VSNL1: variants seen among roughly 807,000 people sequenced by gnomAD.
VSNL1 encodes visinin like 1.
A neutral mutation model predicts 20.4 loss-of-function variants in VSNL1; 6 were observed. The observed-to-expected ratio is 0.29, with a 90% CI of 0.16 to 0.58. VSNL1 has a LOEUF of 0.58. Among genes scored for constraint, VSNL1 ranks in the 20% least tolerant of loss-of-function variants. The pLI is 0.90. For missense variants in VSNL1, 100 were observed against 234.5 expected, an observed-to-expected ratio of 0.43 and a Z score of 3.75; for synonymous variants, 93 against 86.4, an observed-to-expected ratio of 1.08 and a Z score of -0.42.
chr2:17,582,536 C>A (rs1397455200), intron 1 of VSNL1, among the ~76,000 whole-genome samples: 1 of 152,048 alleles, frequency 6.6e-6, no homozygotes, highest in Non-Finnish European at 1.5e-5. Context: ...TAGATGGAAT[C>A]AAGAGTTAGA....
Position 17,589,883 on chromosome 2 carries a change from C to T in VSNL1, c.-5-2187C>T, listed in dbSNP as rs148406701. Among the ~76,000 whole-genome samples, 13 of 152,282 alleles carry T rather than the reference C, an allele frequency of 8.5e-5. No individual in the cohort carries two copies. The East Asian group carries it at 2.5e-3, about 29-fold the overall frequency. On this transcript the variant is annotated intron_variant, in intron 1 of 3. Coordinates refer to ENST00000295156, the MANE Select transcript of VSNL1 (RefSeq NM_003385.5). ...TTTCCAAACAAGGCAGCCAGGCTGG[C>T]AAAGTGATCCTTTTTCATCCCCTCT...
intron 1 of VSNL1, among the ~76,000 whole-genome samples, chr2:17,548,494 A>C (rs774166503): frequency 3.3e-5 from 5 of 152,098 alleles, no homozygotes; most frequent in Non-Finnish European, 5.9e-5. Flanking sequence ...TAATCTTTTG[A>C]GTTTATTTTC....
At chr2:17,584,363 G>T (rs1181238288) in intron 1 of VSNL1, among the ~76,000 whole-genome samples, 1 of 152,090 alleles carries the variant, frequency 6.6e-6, no homozygotes, top group African/African-American at 2.4e-5. Flanking sequence ...CTCAGGAAAT[G>T]TTCTTTGTGC....
At chr2:17,651,879 G>A (rs1408060946) in intron 3 of VSNL1, among the ~76,000 whole-genome samples, 2 of 152,226 alleles carry the variant, frequency 1.3e-5, no homozygotes, top group Non-Finnish European at 2.9e-5. Flanking sequence ...TAGAGTGTCT[G>A]TATTTTGTTG....
intron 2 of VSNL1, among the ~76,000 whole-genome samples, chr2:17,642,309 C>CTTTTTTTTTTTTTTTTGTTTTTTTTTTTT (rs1665898412): frequency 1.1e-5 from 1 of 93,194 alleles, no homozygotes; most frequent in African/African-American, 3.8e-5. Flanking sequence ...GTGAGCATTC[C>CTTTTTTTTTTTTTTTTGTTTTTTTTTTTT]TTTTTTTTTT....
chr2:17,599,293 A>C (rs373769886), intron 2 of VSNL1, among the ~76,000 whole-genome samples: 24 of 152,372 alleles, frequency 1.6e-4, no homozygotes, highest in South Asian at 8.3e-4. Flanking sequence ...AATCCACAAA[A>C]GAAGGTGAAT....
chr2:17,648,033 G>A (rs1261987357), intron 2 of VSNL1, among the ~76,000 whole-genome samples: 4 of 152,112 alleles, frequency 2.6e-5, no homozygotes, highest in African/African-American at 4.8e-5. Context: ...TGTTTATTTC[G>A]TGAGATAATA....
intron 1 of VSNL1, among the ~76,000 whole-genome samples, chr2:17,551,718 A>G (rs1291529602): frequency 1.3e-5 from 2 of 152,152 alleles, no homozygotes; most frequent in African/African-American, 4.8e-5. Flanking sequence ...TCTTCCAAAG[A>G]GGTGCTCAGT....
chr2:17,602,875 C>T (rs1267498742), intron 2 of VSNL1, among the ~76,000 whole-genome samples: 4 of 152,104 alleles, frequency 2.6e-5, no homozygotes, highest in South Asian at 2.1e-4. Flanking sequence ...TATAGAATGG[C>T]GTCTAAAAGG....
intron 2 of VSNL1, among the ~76,000 whole-genome samples, chr2:17,640,322 G>A (rs192976476): frequency 2.6e-5 from 4 of 151,366 alleles, no homozygotes; most frequent in African/African-American, 7.3e-5. Context: ...TCCTTTGCCC[G>A]AGACCAGGTC....
chr2:17,622,596 GAAAGA>G (rs1558303743), intron 2 of VSNL1, among the ~76,000 whole-genome samples: 27 of 128,866 alleles, frequency 2.1e-4, no homozygotes, highest in African/African-American at 7.0e-4. Flanking sequence ...AAGAAAGAAA[GAAAGA>G]AAAGAAAGAA....
At chr2:17,629,440 C>T (rs1216022020) in intron 2 of VSNL1, among the ~76,000 whole-genome samples, 1 of 152,212 alleles carries the variant, frequency 6.6e-6, no homozygotes, top group South Asian at 2.1e-4. Context: ...CCTGCCACCC[C>T]TACTGAGATC....
At chr2:17,589,925 C>T (rs1256321023) in intron 1 of VSNL1, among the ~76,000 whole-genome samples, 2 of 152,188 alleles carry the variant, frequency 1.3e-5, no homozygotes, top group African/African-American at 4.8e-5. Context: ...TGATTCAGTT[C>T]TCTGAAGCCT....
chr2:17,612,837 C>T (rs777476106), intron 2 of VSNL1, among the ~76,000 whole-genome samples: 6 of 152,212 alleles, frequency 3.9e-5, no homozygotes, highest in Non-Finnish European at 8.8e-5. Flanking sequence ...AGTACATTCA[C>T]TCCCTCAAGG....
At chr2:17,633,545 A>G (rs933514947) in intron 2 of VSNL1, among the ~76,000 whole-genome samples, 1 of 151,872 alleles carries the variant, frequency 6.6e-6, no homozygotes, top group Non-Finnish European at 1.5e-5. Context: ...AATTAAAAGT[A>G]AGAGCCGAAT....
chr2:17,612,208 T>C (rs1020699850), intron 2 of VSNL1, among the ~76,000 whole-genome samples: 6 of 152,218 alleles, frequency 3.9e-5, no homozygotes, highest in African/African-American at 1.2e-4. Flanking sequence ...ATGGTCCTTT[T>C]TGGAGGCTGA....
intron 1 of VSNL1, among the ~76,000 whole-genome samples, chr2:17,579,865 A>G (rs1282827358): frequency 2.0e-5 from 3 of 152,186 alleles, no homozygotes; most frequent in Non-Finnish European, 4.4e-5. Flanking sequence ...AGGTAGATCA[A>G]AGACCTTTAG....
intron 2 of VSNL1, among the ~76,000 whole-genome samples, chr2:17,633,547 G>A (rs796116208): frequency 2.6e-5 from 4 of 151,704 alleles, no homozygotes; most frequent in African/African-American, 9.7e-5. Context: ...TTAAAAGTAA[G>A]AGCCGAATGT....
chr2:17,650,173 C>G (rs1315502867), intron 3 of VSNL1, among the ~76,000 whole-genome samples: 1 of 152,154 alleles, frequency 6.6e-6, no homozygotes, highest in Non-Finnish European at 1.5e-5. Flanking sequence ...CTTCCTCTCT[C>G]TCTGCCCAGC....
Sources: allele counts gnomAD v4.1 joint callset (sites outside exome capture counted in the v4.1 genomes callset), GRCh38; gene constraint gnomAD v4.1.1; transcripts MANE v1.5; gene names NCBI Gene and HGNC (gene_info 2026-07-23, HGNC 2026-07-21).